RBFOX2: variants seen among roughly 807,000 people sequenced by gnomAD.
RBFOX2 encodes the protein RNA binding fox-1 homolog 2, also known as RNA binding protein fox-1 homolog 2.
In RBFOX2, 10 loss-of-function variants were observed where a neutral mutation model predicts 49.1. That is an observed-to-expected ratio of 0.20 (90% CI 0.13 to 0.35). The LOEUF is 0.35. Ranked by LOEUF, RBFOX2 falls within the 10% of genes least tolerant of loss-of-function variation. The probability of loss-of-function intolerance (pLI) is 1.00; values close to 1 mark genes in which losing one functional copy is unlikely to be tolerated. For missense variants in RBFOX2, 323 were observed against 486.9 expected (o/e 0.66, Z 3.17); for synonymous variants, 183 against 187.4 (o/e 0.98, Z 0.19).
intron 9 of RBFOX2, chr22:35,747,768 A>G (rs1933317480): frequency 6.6e-6 from 1 of 152,246 alleles, no homozygotes; most frequent in Admixed American, 6.5e-5. Flanking sequence ...AGTAGTGAAC[A>G]ATAGCATAAA....
intron 1 of RBFOX2, among the ~76,000 whole-genome samples, chr22:35,860,635 T>A (rs537560669): frequency 2.0e-5 from 3 of 152,214 alleles, no homozygotes; most frequent in Non-Finnish European, 2.9e-5. Context: ...TGCAACTTTG[T>A]TTTCCTTCTT....
At chr22:35,824,832 T>A (rs992155714) in intron 1 of RBFOX2, among the ~76,000 whole-genome samples, 1 of 152,238 alleles carries the variant, frequency 6.6e-6, no homozygotes, top group Non-Finnish European at 1.5e-5. Flanking sequence ...AAAAGACATA[T>A]CTATTTCTTC....
At chr22:35,757,385 T>G (rs1416899069) in intron 9 of RBFOX2, among the ~76,000 whole-genome samples, 1 of 152,136 alleles carries the variant, frequency 6.6e-6, no homozygotes, top group African/African-American at 2.4e-5. Context: ...AAGATAAAAC[T>G]TTCTTCTTCA....
intron 1 of RBFOX2, among the ~76,000 whole-genome samples, chr22:35,879,752 T>G (rs1034180079): frequency 6.6e-6 from 1 of 152,198 alleles, no homozygotes; most frequent in African/African-American, 2.4e-5. Context: ...TCAGATGTTG[T>G]GATTAGAATA....
intron 1 of RBFOX2, among the ~76,000 whole-genome samples, chr22:35,886,084 C>T (rs1318692429): frequency 1.3e-5 from 2 of 151,862 alleles, no homozygotes; most frequent in African/African-American, 4.8e-5. Flanking sequence ...TCTCGATCTC[C>T]TGACCTCGTG....
intron 1 of RBFOX2, among the ~76,000 whole-genome samples, chr22:36,017,844 A>G (rs1035772899): frequency 6.6e-6 from 1 of 152,326 alleles, no homozygotes; most frequent in Non-Finnish European, 1.5e-5. Flanking sequence ...TGAACACAGG[A>G]AACTAAATAT....
chr22:35,777,291 C>A lies in RBFOX2; in HGVS notation c.453+734G>T, dbSNP rs555268169. On this transcript the variant is annotated intron_variant, in intron 4 of 11. Transcript: ENST00000405409. ...CCTCCCAAAGTGCTGGGATTACAGG[C>A]GTGAGCCACTGCGCCCAGCCTAATA... Among the ~76,000 whole-genome samples, 7 of 152,188 alleles carry A rather than the reference C, an allele frequency of 4.6e-5. No individual in the cohort carries two copies. In the East Asian group the frequency reaches 1.2e-3, roughly 25 times the overall value.
At chr22:35,789,784 T>G (rs372531095) in intron 2 of RBFOX2, among the ~76,000 whole-genome samples, 10 of 152,172 alleles carry the variant, frequency 6.6e-5, no homozygotes, top group East Asian at 1.9e-4. Context: ...TGGTGGTGGT[T>G]GTTGTTTTGG....
chr22:35,936,731 C>A (rs888662619), intron 1 of RBFOX2, among the ~76,000 whole-genome samples: 5 of 152,072 alleles, frequency 3.3e-5, no homozygotes, highest in African/African-American at 9.7e-5. Flanking sequence ...CAGAAGTGGG[C>A]CCCTACTGCA....
chr22:35,825,212 G>C (rs1364763354), intron 1 of RBFOX2, among the ~76,000 whole-genome samples: 1 of 152,046 alleles, frequency 6.6e-6, no homozygotes, highest in Non-Finnish European at 1.5e-5. Context: ...CAGTTAATAA[G>C]ATAAAATTTT....
At chr22:35,838,672 C>CA (rs1212817235) in intron 1 of RBFOX2, among the ~76,000 whole-genome samples, 3 of 152,002 alleles carry the variant, frequency 2.0e-5, no homozygotes, top group African/African-American at 4.8e-5. Flanking sequence ...CAGAGGTTTC[C>CA]AAAAAAATGG....
chr22:35,875,895 AT>A (rs1288878910), intron 1 of RBFOX2, among the ~76,000 whole-genome samples: 2 of 152,004 alleles, frequency 1.3e-5, no homozygotes, highest in African/African-American at 2.4e-5. Context: ...TAGTAAAAAA[AT>A]AAATAAATAA....
intron 1 of RBFOX2, chr22:35,822,801 T>C (rs1480595906): frequency 2.3e-6 from 1 of 432,216 alleles, no homozygotes; most frequent in African/African-American, 2.1e-5. Context: ...AACACTGTTT[T>C]ATGTTTTGTT....
At chr22:35,863,818 C>T (rs754819673) in intron 1 of RBFOX2, among the ~76,000 whole-genome samples, 25 of 152,322 alleles carry the variant, frequency 1.6e-4, no homozygotes, top group Non-Finnish European at 3.4e-4. Context: ...GATAAAGGAG[C>T]TGCTTCACTG....
At chr22:35,970,812 A>G (rs1157374513) in intron 1 of RBFOX2, among the ~76,000 whole-genome samples, 2 of 152,214 alleles carry the variant, frequency 1.3e-5, no homozygotes, top group Non-Finnish European at 2.9e-5. Flanking sequence ...ATAAGCTCAC[A>G]TTTACGCAAC....
rs151285912 is a variant in RBFOX2 at position 36,016,999 on chromosome 22, G to A, written c.186+11241C>T. 3.7e-3 allele frequency among the ~76,000 whole-genome samples: 559 copies of A among 152,224 alleles called. 3 individuals carry two copies. Among genetic ancestry groups the A allele is most frequent in the African/African-American group, 0.013 (538 of 41,534 alleles). ...AGCTAAAGAGGTCCCTACTAAACTGGCTGGAACAGGCAAGGATTATACAGG... is the reference window on the plus strand; with the variant it reads ...AGCTAAAGAGGTCCCTACTAAACTGACTGGAACAGGCAAGGATTATACAGG... On this transcript the variant is annotated intron_variant, in intron 1 of 13. Coordinates refer to the RBFOX2 transcript ENST00000438146.
intron 2 of RBFOX2, among the ~76,000 whole-genome samples, chr22:35,795,851 C>G (rs1948696844): frequency 1.3e-5 from 2 of 152,076 alleles, no homozygotes; most frequent in Admixed American, 6.5e-5. Context: ...AATTCAAAGT[C>G]CTCTATAATT....
chr22:35,865,585 T>C (rs2043585212), intron 1 of RBFOX2, among the ~76,000 whole-genome samples: 1 of 150,814 alleles, frequency 6.6e-6, no homozygotes, highest in Non-Finnish European at 1.5e-5. Context: ...TTGATGGTGA[T>C]AGAAGAGGGA....
intron 1 of RBFOX2, among the ~76,000 whole-genome samples, chr22:35,825,829 AAATTAGCTGAGCGTGGTG>A (rs1955557391): frequency 6.6e-6 from 1 of 151,878 alleles, no homozygotes. Flanking sequence ...AATAATACAA[AAATTAGCTGAGCGTGGTG>A]GCAGGTGCCC....
Sources: allele counts gnomAD v4.1 joint callset (sites outside exome capture counted in the v4.1 genomes callset), GRCh38; gene constraint gnomAD v4.1.1; transcripts MANE v1.5; gene names NCBI Gene and HGNC (gene_info 2026-07-23, HGNC 2026-07-21).